The following ZNF678 variants were observed in gnomAD, a reference collection of about 807,000 sequenced individuals.
ZNF678 encodes the protein hypothetical protein MGC42493.
In ZNF678, 5 loss-of-function variants were observed where a neutral mutation model predicts 3.0. The observed-to-expected ratio is 1.69, with a 90% confidence interval of 0.88 to 3.56. The LOEUF is 3.56. Among genes scored for constraint, ZNF678 ranks in the 30% most tolerant of loss-of-function variants. The probability of loss-of-function intolerance (pLI) is 0.00; values close to 1 mark genes in which losing one functional copy is unlikely to be tolerated. For synonymous variants in ZNF678, 218 were observed against 199.6 expected (o/e 1.09, Z -0.78); for missense variants, 593 against 605.0 (o/e 0.98, Z 0.21).
intron 5 of ZNF678, among the ~76,000 whole-genome samples, chr1:227,667,555 T>A (rs550811520): frequency 3.3e-5 from 5 of 152,330 alleles, no homozygotes; most frequent in African/African-American, 1.2e-4. Context: ...CCCCAGCTTC[T>A]ATTAATCTCC....
At chr1:227,590,128 A>C (rs1440812612) in intron 1 of ZNF678, among the ~76,000 whole-genome samples, 1 of 151,788 alleles carries the variant, frequency 6.6e-6, no homozygotes, top group African/African-American at 2.4e-5. Flanking sequence ...TATTACTACT[A>C]TAATTTTTAT....
chr1:227,658,321 T>C lies in ZNF678; in HGVS notation c.*2493T>C, dbSNP rs1659303162. 6.6e-6 allele frequency: 1 copy of C among 152,050 alleles called. No individual in the cohort carries two copies. The allele number at this position is 152,050 out of a possible 1,614,324, so 9.4% of individuals were successfully genotyped here. On this transcript the variant is annotated 3_prime_UTR_variant, in exon 4 of 4. Coordinates refer to ENST00000343776, the MANE Select transcript of ZNF678 (RefSeq NM_001367909.1). ...AAACACAGGAAAGTGCTAGGTTTCCTGGGGGTATAATAGATGCTCTATAAT... is the reference window on the plus strand; with the variant it reads ...AAACACAGGAAAGTGCTAGGTTTCCCGGGGGTATAATAGATGCTCTATAAT...
At chr1:227,577,691 C>G (rs528975544) in intron 1 of ZNF678, among the ~76,000 whole-genome samples, 1 of 152,172 alleles carries the variant, frequency 6.6e-6, no homozygotes, top group East Asian at 1.9e-4. Flanking sequence ...CTTTATCTAT[C>G]TTGACATTCT....
At chr1:227,571,018 A>G (rs1162902409) in intron 1 of ZNF678, among the ~76,000 whole-genome samples, 2 of 152,194 alleles carry the variant, frequency 1.3e-5, no homozygotes, top group Non-Finnish European at 2.9e-5. Context: ...ACTCTTAACC[A>G]TATTTCACAA....
intron 1 of ZNF678, among the ~76,000 whole-genome samples, chr1:227,585,017 A>G (rs1657222683): frequency 6.6e-6 from 1 of 152,202 alleles, no homozygotes; most frequent in African/African-American, 2.4e-5. Flanking sequence ...AACAGGAGTC[A>G]CTCTGAGAGA....
intron 5 of ZNF678, among the ~76,000 whole-genome samples, chr1:227,671,958 A>G (rs1172773381): frequency 6.6e-6 from 1 of 152,254 alleles, no homozygotes; most frequent in East Asian, 1.9e-4. Context: ...ATCAGAGAAC[A>G]TTCACGCAGG....
At chr1:227,576,438 C>T (rs1463726077) in intron 1 of ZNF678, among the ~76,000 whole-genome samples, 1 of 152,134 alleles carries the variant, frequency 6.6e-6, no homozygotes, top group Non-Finnish European at 1.5e-5. Flanking sequence ...TTTGTCTGTT[C>T]AGGGTTTGAA....
At chr1:227,597,895 G>C (rs1258990707) in intron 1 of ZNF678, among the ~76,000 whole-genome samples, 1 of 152,166 alleles carries the variant, frequency 6.6e-6, no homozygotes, top group Admixed American at 6.5e-5. Context: ...AGGATCAAAG[G>C]CACACTATTC....
intron 1 of ZNF678, among the ~76,000 whole-genome samples, chr1:227,571,133 TATAA>T (rs1454299506): frequency 2.6e-5 from 4 of 152,248 alleles, no homozygotes; most frequent in Non-Finnish European, 5.9e-5. Flanking sequence ...GTATTAGTAA[TATAA>T]ATAGTTATTT....
At chr1:227,616,183 C>G (rs2102765289) in intron 1 of ZNF678, among the ~76,000 whole-genome samples, 1 of 152,326 alleles carries the variant, frequency 6.6e-6, no homozygotes, top group African/African-American at 2.4e-5. Context: ...CCACCTCTTT[C>G]TTGTATTCCT....
rs1658743456 is a variant in ZNF678, at chr1:227,638,756, A to G, written c.-163-7788A>G. ...GAGCAGAGTTGGGCATGAGGGCAGA[A>G]CTAAGAAAGAGTGAGTGAAGGAAAA... On this transcript the variant is annotated intron_variant, in intron 1 of 3. Transcript: ENST00000343776. The surrounding 1 kb of genome is among the most constrained non-coding windows in gnomAD (Gnocchi z 4.2). Among the ~76,000 whole-genome samples, 1 of 152,064 alleles carries G rather than the reference A, an allele frequency of 6.6e-6. No individual in the cohort carries two copies. The highest frequency in any genetic ancestry group is 6.5e-5 in the Admixed American group (1 of 15,276).
intron 1 of ZNF678, among the ~76,000 whole-genome samples, chr1:227,612,835 C>T (rs1471024263): frequency 1.3e-5 from 2 of 152,038 alleles, no homozygotes; most frequent in Non-Finnish European, 1.5e-5. Flanking sequence ...AAATATGCCC[C>T]CACTGTGGGT....
At chr1:227,616,340 G>A (rs10916174) in intron 1 of ZNF678, among the ~76,000 whole-genome samples, 20,168 of 152,144 alleles carry the variant, frequency 0.13, 1,432 homozygotes, top group Non-Finnish European at 0.15. Context: ...TTTGCCTCTG[G>A]CCTCAGGCTC....
At position 227,657,606 on chromosome 1, in the gene ZNF678, C is replaced by T. The variant is rs902996834; in HGVS notation, c.*1778C>T. 6.6e-6 allele frequency: 1 copy of T among 151,818 alleles called. No homozygotes were observed. Among genetic ancestry groups the T allele is most frequent in the Non-Finnish European group, 1.5e-5 (1 of 67,860 alleles). The allele number at this position is 151,818 out of a possible 1,614,324, so 9.4% of individuals were successfully genotyped here. Reference sequence around the variant, plus strand: ...ACTACGTTTTTCTTTGAGCCTGTGACCCCTCTGGCCTGTAAAAACACATAC... The same window carrying T: ...ACTACGTTTTTCTTTGAGCCTGTGATCCCTCTGGCCTGTAAAAACACATAC... On this transcript the variant is annotated 3_prime_UTR_variant, in exon 4 of 4. Coordinates refer to ENST00000343776, the MANE Select transcript of ZNF678 (RefSeq NM_001367909.1).
intron 1 of ZNF678, among the ~76,000 whole-genome samples, chr1:227,588,240 C>T (rs150855864): frequency 1.0e-3 from 156 of 152,208 alleles, no homozygotes; most frequent in African/African-American, 3.6e-3. Context: ...CATTGATGGG[C>T]ATTTAGGTTG....
chr1:227,677,737 T>A (rs6671825), downstream of ZNF678, among the ~76,000 whole-genome samples: 1 of 151,982 alleles, frequency 6.6e-6, no homozygotes, highest in Admixed American at 6.6e-5. Flanking sequence ...CCAAATACAG[T>A]TTACAGTAGG....
chr1:227,668,939 A>T (rs1659554043), intron 5 of ZNF678, among the ~76,000 whole-genome samples: 1 of 152,146 alleles, frequency 6.6e-6, no homozygotes, highest in Non-Finnish European at 1.5e-5. Flanking sequence ...TAAATGTAAG[A>T]TTGCAAAATA....
At chr1:227,607,423 AT>A (rs1237736077) in intron 1 of ZNF678, among the ~76,000 whole-genome samples, 2 of 152,168 alleles carry the variant, frequency 1.3e-5, no homozygotes, top group Admixed American at 1.3e-4. Flanking sequence ...AAACTAGAAG[AT>A]TATGTCATTT....
intron 1 of ZNF678, among the ~76,000 whole-genome samples, chr1:227,636,755 G>A (rs532685633): frequency 1.6e-4 from 25 of 152,328 alleles, no homozygotes; most frequent in Middle Eastern, 3.4e-3. Context: ...CCCTGGTGCA[G>A]TAGACCCAGT....
Sources: allele counts gnomAD v4.1 joint callset (sites outside exome capture counted in the v4.1 genomes callset), GRCh38; gene constraint gnomAD v4.1.1; non-coding constraint Gnocchi (gnomAD v3.1); transcripts MANE v1.5; gene names NCBI Gene and HGNC (gene_info 2026-07-23, HGNC 2026-07-21).